Variants in TEX36 observed in about 807,000 individuals in gnomAD.
The protein encoded by TEX36 is testis expressed 36, also known as testis-expressed protein 36.
A neutral mutation model predicts 13.6 loss-of-function variants in TEX36; 12 were observed. The ratio of observed to expected loss-of-function variants is 0.88; its 90% CI spans 0.56 to 1.43. The LOEUF is 1.43. TEX36 is among the 40% of genes most tolerant of loss of function. The pLI, the probability that TEX36 is intolerant of heterozygous loss-of-function variation, is 0.00. For missense variants in TEX36, 224 were observed against 228.3 expected (o/e 0.98, Z 0.12); for synonymous variants, 93 against 83.0 (o/e 1.12, Z -0.65).
At chr10:125,610,378 T>C (rs558956072) in intron 3 of TEX36, among the ~76,000 whole-genome samples, 1 of 152,172 alleles carries the variant, frequency 6.6e-6, no homozygotes, top group East Asian at 1.9e-4. Context: ...AATTTGGGGG[T>C]TCTGTATATC....
intron 3 of TEX36, among the ~76,000 whole-genome samples, chr10:125,629,987 C>G (rs1285867931): frequency 1.3e-5 from 2 of 152,136 alleles, no homozygotes; most frequent in African/African-American, 4.8e-5. Context: ...TGATCACATA[C>G]TATGCATTTT....
chr10:125,640,742 T>TCTCAAGGTTACTCTCA (rs1846678056), intron 3 of TEX36, among the ~76,000 whole-genome samples: 1 of 152,126 alleles, frequency 6.6e-6, no homozygotes, highest in Admixed American at 6.5e-5. Flanking sequence ...AAGGCAGAGC[T>TCTCAAGGTTACTCTCA]GGGCTGAAGG....
At chr10:125,615,455 C>T (rs1433692836) in intron 3 of TEX36, among the ~76,000 whole-genome samples, 1 of 151,942 alleles carries the variant, frequency 6.6e-6, no homozygotes, top group Non-Finnish European at 1.5e-5. Context: ...GAGATACATC[C>T]CATCAATACC....
At chr10:125,589,525 T>C (rs1845998040) in intron 3 of TEX36, among the ~76,000 whole-genome samples, 1 of 152,242 alleles carries the variant, frequency 6.6e-6, no homozygotes, top group Non-Finnish European at 1.5e-5. Context: ...AGTGTCTTTC[T>C]ATTCCCAGTT....
At chr10:125,672,137 C>T (rs1035296727) in intron 1 of TEX36, among the ~76,000 whole-genome samples, 17 of 151,796 alleles carry the variant, frequency 1.1e-4, no homozygotes, top group African/African-American at 3.1e-4. Context: ...CCTTCAGTTT[C>T]GCTCTGATCT....
At chr10:125,591,877 A>C (rs1169133556) in intron 3 of TEX36, among the ~76,000 whole-genome samples, 2 of 152,168 alleles carry the variant, frequency 1.3e-5, no homozygotes, top group African/African-American at 2.4e-5. Context: ...CAGGAAAGAC[A>C]GGGCTTTCCA....
chr10:125,578,631 C>G (rs1235393446), intron 3 of TEX36, among the ~76,000 whole-genome samples: 1 of 152,156 alleles, frequency 6.6e-6, no homozygotes, highest in Non-Finnish European at 1.5e-5. Flanking sequence ...CGTCCCTCCT[C>G]CTCTCATTTT....
intron 1 of TEX36, among the ~76,000 whole-genome samples, chr10:125,663,181 A>C (rs76702187): frequency 0.018 from 2,692 of 152,316 alleles, 96 homozygotes; most frequent in African/African-American, 0.062. Context: ...AATGGGAATA[A>C]TAATACCTAC....
chr10:125,681,197 A>G (rs61873505), intron 1 of TEX36, among the ~76,000 whole-genome samples: 4,507 of 152,276 alleles, frequency 0.03, 83 homozygotes, highest in Middle Eastern at 0.048. Context: ...GAGTCATCCC[A>G]CACTAAGGAT....
downstream of TEX36, among the ~76,000 whole-genome samples, chr10:125,621,155 G>A (rs1475040422): frequency 6.6e-6 from 1 of 151,992 alleles, no homozygotes; most frequent in Non-Finnish European, 1.5e-5. Flanking sequence ...ATATTATTTG[G>A]GGATATATAC....
At chr10:125,603,434 C>T (rs1404251599) in intron 3 of TEX36, among the ~76,000 whole-genome samples, 1 of 152,084 alleles carries the variant, frequency 6.6e-6, no homozygotes, top group African/African-American at 2.4e-5. Context: ...TGCCTGAGCC[C>T]ATTTCCCCCA....
chr10:125,681,768 T>A (rs1847397961), intron 1 of TEX36, among the ~76,000 whole-genome samples: 1 of 152,208 alleles, frequency 6.6e-6, no homozygotes, highest in South Asian at 2.1e-4. Flanking sequence ...AGTGTATATA[T>A]GTTAAGTGGT....
intron 3 of TEX36, among the ~76,000 whole-genome samples, chr10:125,597,127 G>T (rs376412587): frequency 4.6e-5 from 7 of 152,112 alleles, no homozygotes; most frequent in African/African-American, 1.4e-4. Context: ...CTTCACCATC[G>T]CTTAGAGCTG....
At chr10:125,595,598 C>G (rs531041076) in intron 3 of TEX36, among the ~76,000 whole-genome samples, 2 of 152,314 alleles carry the variant, frequency 1.3e-5, no homozygotes, top group South Asian at 4.1e-4. Context: ...CTGTCCTGCC[C>G]TCTACTGCTG....
chr10:125,648,683 A>C (rs2133582511), intron 3 of TEX36, among the ~76,000 whole-genome samples: 1 of 152,360 alleles, frequency 6.6e-6, no homozygotes, highest in South Asian at 2.1e-4. Context: ...AGAAGGCTTC[A>C]GACGATCAGT....
chr10:125,636,397 G>A (rs1471515770), intron 3 of TEX36, among the ~76,000 whole-genome samples: 1 of 147,660 alleles, frequency 6.8e-6, no homozygotes, highest in Non-Finnish European at 1.5e-5. Context: ...TATATTTTTA[G>A]TAGAGGCGGG....
chr10:125,588,609 G>A (rs1419783367), intron 3 of TEX36, among the ~76,000 whole-genome samples: 1 of 151,550 alleles, frequency 6.6e-6, no homozygotes, highest in Non-Finnish European at 1.5e-5. Context: ...TTGTTTGTTT[G>A]TTTGTTTGTT....
chr10:125,608,146 A>G (rs1451838326), intron 3 of TEX36, among the ~76,000 whole-genome samples: 1 of 152,200 alleles, frequency 6.6e-6, no homozygotes, highest in African/African-American at 2.4e-5. Flanking sequence ...AACAGTCACT[A>G]AACAAGGACA....
At chr10:125,627,572 C>T (rs146351474) in intron 3 of TEX36, among the ~76,000 whole-genome samples, 1,593 of 151,724 alleles carry the variant, frequency 0.01, 18 homozygotes, top group South Asian at 0.045. Context: ...CTAAAACAAT[C>T]CTGATCTTTT....
Sources: gnomAD v4.1 joint callset for allele counts (sites outside exome capture counted in the v4.1 genomes callset) on GRCh38, gnomAD v4.1.1 for gene constraint, MANE v1.5 for transcripts, NCBI Gene and HGNC (gene_info 2026-07-23, HGNC 2026-07-21) for gene names.